The following PSMB7 variants were observed in gnomAD, a reference collection of about 807,000 sequenced individuals.
PSMB7 encodes the protein proteasome subunit beta type-7.
Under a neutral mutation model 28.1 loss-of-function variants are expected in PSMB7, and 5 were observed. The ratio of observed to expected loss-of-function variants is 0.18; its 90% CI spans 0.09 to 0.37. The LOEUF (loss-of-function observed/expected upper bound fraction) is 0.37. Ranked by LOEUF, PSMB7 falls within the 10% of genes least tolerant of loss-of-function variation. The pLI, the probability that PSMB7 is intolerant of heterozygous loss-of-function variation, is 1.00. For synonymous variants in PSMB7, 122 were observed against 123.7 expected, an observed-to-expected ratio of 0.99 and a Z score of 0.09; for missense variants, 275 against 346.2, an observed-to-expected ratio of 0.79 and a Z score of 1.63.
chr9:124,407,209 A>G (rs538270949), intron 4 of PSMB7, among the ~76,000 whole-genome samples: 1 of 152,342 alleles, frequency 6.6e-6, no homozygotes, highest in Admixed American at 6.5e-5. Flanking sequence ...AACCAAAGTC[A>G]TAACTTTAGA....
chr9:124,391,308 A>C (rs1238398623), intron 5 of PSMB7, among the ~76,000 whole-genome samples: 1 of 152,218 alleles, frequency 6.6e-6, no homozygotes, highest in Non-Finnish European at 1.5e-5. Context: ...TCTGAATTTA[A>C]AGTGTGCGAT....
chr9:124,406,077 C>T (rs925327567), intron 4 of PSMB7, among the ~76,000 whole-genome samples: 1 of 152,152 alleles, frequency 6.6e-6, no homozygotes, highest in Non-Finnish European at 1.5e-5. Flanking sequence ...GGTCTCAGAA[C>T]CAAATTGGAC....
At chr9:124,407,751 T>C (rs1195542742) in intron 4 of PSMB7, among the ~76,000 whole-genome samples, 1 of 152,212 alleles carries the variant, frequency 6.6e-6, no homozygotes, top group East Asian at 1.9e-4. Flanking sequence ...TGCACAAGGA[T>C]GTTTACAACA....
At chr9:124,399,592 T>C (rs971988356) in intron 5 of PSMB7, among the ~76,000 whole-genome samples, 5 of 151,828 alleles carry the variant, frequency 3.3e-5, no homozygotes, top group African/African-American at 1.2e-4. Context: ...GGAAATGAGA[T>C]GAGAAAAAGG....
At chr9:124,360,383 G>A (rs1048649218) in intron 6 of PSMB7, among the ~76,000 whole-genome samples, 5 of 152,212 alleles carry the variant, frequency 3.3e-5, no homozygotes, top group African/African-American at 7.2e-5. Flanking sequence ...CCTAGGGCCT[G>A]GGCAGCATCT....
At chr9:124,363,035 A>C (rs1428888720) in intron 6 of PSMB7, among the ~76,000 whole-genome samples, 1 of 152,226 alleles carries the variant, frequency 6.6e-6, no homozygotes, top group Non-Finnish European at 1.5e-5. Context: ...AATTCTGAAC[A>C]TCAGGGGTCC....
At chr9:124,363,163 A>G (rs943071326) in intron 6 of PSMB7, among the ~76,000 whole-genome samples, 2 of 152,208 alleles carry the variant, frequency 1.3e-5, no homozygotes, top group African/African-American at 4.8e-5. Context: ...TGCCAAACTC[A>G]AAGACTCTGA....
At chr9:124,358,571 C>G (rs565359780) in intron 6 of PSMB7, among the ~76,000 whole-genome samples, 40 of 152,316 alleles carry the variant, frequency 2.6e-4, no homozygotes, top group South Asian at 4.1e-4. Context: ...CAAAGAAAGC[C>G]TCTTAGACGA....
intron 6 of PSMB7, among the ~76,000 whole-genome samples, chr9:124,360,021 T>C (rs1830451534): frequency 6.6e-6 from 1 of 152,184 alleles, no homozygotes. Flanking sequence ...CACACACCTA[T>C]AGGGACCTAC....
At chr9:124,360,918 G>GT (rs1830460478) in intron 6 of PSMB7, among the ~76,000 whole-genome samples, 1 of 152,174 alleles carries the variant, frequency 6.6e-6, no homozygotes, top group Non-Finnish European at 1.5e-5. Flanking sequence ...TTAATAAATG[G>GT]TAAGTTATTT....
intron 2 of PSMB7, among the ~76,000 whole-genome samples, chr9:124,414,338 T>C (rs527353079): frequency 1.3e-4 from 20 of 152,342 alleles, no homozygotes; most frequent in Non-Finnish European, 2.6e-4. Flanking sequence ...GCCATCACTA[T>C]CAATTTCCTT....
At chr9:124,387,591 A>T (rs1830739322) in intron 5 of PSMB7, among the ~76,000 whole-genome samples, 1 of 152,192 alleles carries the variant, frequency 6.6e-6, no homozygotes, top group African/African-American at 2.4e-5. Flanking sequence ...GCCCCAAAAT[A>T]AACTTGAAAA....
intron 6 of PSMB7, among the ~76,000 whole-genome samples, chr9:124,382,226 G>T (rs113927924): frequency 0.37 from 6,351 of 17,314 alleles, 342 homozygotes; most frequent in Non-Finnish European, 0.45. Flanking sequence ...TTTTTTTTTT[G>T]AGACAAAGTC....
intron 5 of PSMB7, among the ~76,000 whole-genome samples, chr9:124,395,767 C>G (rs1830834305): frequency 6.6e-6 from 1 of 152,230 alleles, no homozygotes; most frequent in African/African-American, 2.4e-5. Flanking sequence ...ACTAGGCTCT[C>G]TGGTCAAGCA....
At position 124,408,195 on chromosome 9, in the gene PSMB7, A is replaced by G. The variant is rs187194554; in HGVS notation, c.396-2763T>C. The stretch of plus-strand genomic sequence containing the variant: ...AGAAAGAGACCCTATCTAAACTAAA[A>G]TAAAATTTAACAACCATGCTGCATT... On this transcript the variant is annotated intron_variant, in intron 4 of 7. Transcript: ENST00000259457. Among the ~76,000 whole-genome samples, 8 of 152,298 alleles carry G rather than the reference A, an allele frequency of 5.3e-5. No individual in the cohort carries two copies. In the East Asian group the frequency reaches 1.4e-3, roughly 26 times the overall value.
chr9:124,400,391 C>T (rs1391050254), intron 5 of PSMB7, among the ~76,000 whole-genome samples: 1 of 152,196 alleles, frequency 6.6e-6, no homozygotes, highest in Non-Finnish European at 1.5e-5. Context: ...AGCAATTTGG[C>T]AATAGCTCTC....
At chr9:124,355,538 T>C (rs927087967) in intron 7 of PSMB7, among the ~76,000 whole-genome samples, 1 of 152,132 alleles carries the variant, frequency 6.6e-6, no homozygotes, top group Admixed American at 6.5e-5. Flanking sequence ...AAATCACGCA[T>C]CTTGCAAAAT....
rs532717373 is a variant in PSMB7, at chr9:124,358,600, T to C, written c.571-1685A>G. On this transcript the variant is annotated intron_variant, in intron 6 of 7. Coordinates refer to ENST00000259457, the MANE Select transcript of PSMB7 (RefSeq NM_002799.4). ...TAGACGAGGAGCTGGCAGCAGCTGC[T>C]ATCTAGATAGACAGCAAAAACCAAC... 5.9e-5 allele frequency among the ~76,000 whole-genome samples: 9 copies of C among 152,358 alleles called. No individual in the cohort carries two copies. The South Asian group carries it at 1.9e-3, about 32-fold the overall frequency.
chr9:124,396,741 T>G (rs1318970427), intron 5 of PSMB7: 4 of 460,950 alleles, frequency 8.7e-6, no homozygotes, highest in Non-Finnish European at 1.8e-5. Flanking sequence ...AAACAAAAAT[T>G]TTATATACCT....
Sources: allele counts gnomAD v4.1 joint callset (sites outside exome capture counted in the v4.1 genomes callset), GRCh38; gene constraint gnomAD v4.1.1; transcripts MANE v1.5; gene names NCBI Gene and HGNC (gene_info 2026-07-23, HGNC 2026-07-21).